RHAG: variants seen among roughly 807,000 people sequenced by gnomAD.
RHAG encodes Rh associated glycoprotein, also known as ammonium transporter Rh type A.
Under a neutral mutation model 42.4 loss-of-function variants are expected in RHAG, and 25 were observed. The observed-to-expected ratio is 0.59, with a 90% confidence interval of 0.43 to 0.82. The LOEUF is 0.82. Among genes scored for constraint, RHAG ranks in the 40% least tolerant of loss-of-function variants. RHAG has a pLI of 0.00. For missense variants in RHAG, 483 were observed against 504.6 expected, an observed-to-expected ratio of 0.96 and a Z score of 0.41; for synonymous variants, 182 against 177.7, an observed-to-expected ratio of 1.02 and a Z score of -0.19.
intron 1 of RHAG, among the ~76,000 whole-genome samples, chr6:49,631,489 A>G (rs1163635067): frequency 1.3e-5 from 2 of 151,842 alleles, no homozygotes; most frequent in South Asian, 4.2e-4. Context: ...TTGAATTTCT[A>G]TTACCATTAT....
chr6:49,613,910 A>G (rs1164966737), intron 5 of RHAG, among the ~76,000 whole-genome samples: 1 of 152,190 alleles, frequency 6.6e-6, no homozygotes, highest in Non-Finnish European at 1.5e-5. Flanking sequence ...TTTTTCTAGT[A>G]TCCTATTGAA....
chr6:49,609,349 T>C (rs1266324770), intron 7 of RHAG, among the ~76,000 whole-genome samples: 6 of 152,146 alleles, frequency 3.9e-5, no homozygotes, highest in East Asian at 1.9e-4. Context: ...GACCTCCCAG[T>C]GAGGCCTCCC....
chr6:49,615,540 G>T, intron 4 of RHAG, 84 bp downstream of exon 4: 37 of 1,441,658 alleles, frequency 2.6e-5, no homozygotes, highest in Middle Eastern at 1.8e-4. Flanking sequence ...TGTTCTTTTT[G>T]AGCATCTCAC....
intron 5 of RHAG, among the ~76,000 whole-genome samples, chr6:49,613,515 G>T (rs926003763): frequency 6.6e-6 from 1 of 152,096 alleles, no homozygotes; most frequent in African/African-American, 2.4e-5. Flanking sequence ...GACCTCTCAT[G>T]AGACAATTTG....
At chr6:49,634,331 T>G (rs1762975702) in intron 1 of RHAG, among the ~76,000 whole-genome samples, 1 of 152,050 alleles carries the variant, frequency 6.6e-6, no homozygotes, top group African/African-American at 2.4e-5. Flanking sequence ...ACTCTCTACC[T>G]CCATGCAGAG....
intron 3 of RHAG, among the ~76,000 whole-genome samples, chr6:49,616,930 T>C (rs1762666773): frequency 6.6e-6 from 1 of 152,196 alleles, no homozygotes; most frequent in Non-Finnish European, 1.5e-5. Context: ...ATGCTTGGAC[T>C]TTCCAAATAC....
chr6:49,634,968 GTGTGTGTGTGTT>G (rs1160556145), intron 1 of RHAG, among the ~76,000 whole-genome samples: 2 of 89,778 alleles, frequency 2.2e-5, no homozygotes, highest in Non-Finnish European at 4.5e-5. Context: ...GTGTGTGTGT[GTGTGTGTGTGTT>G]TGTGTATACC....
chr6:49,615,241 C>T (rs189764506), intron 4 of RHAG: 68 of 278,868 alleles, frequency 2.4e-4, no homozygotes, highest in Middle Eastern at 1.3e-3. Context: ...TGAGCCACCA[C>T]GCCCAGCCTG....
intron 1 of RHAG, among the ~76,000 whole-genome samples, chr6:49,621,562 G>A (rs568215874): frequency 4.6e-5 from 7 of 152,148 alleles, no homozygotes; most frequent in South Asian, 2.1e-4. Flanking sequence ...TACCTGACTC[G>A]CTGATGGGCA....
intron 1 of RHAG, among the ~76,000 whole-genome samples, chr6:49,629,510 C>T (rs1762899476): frequency 6.6e-6 from 1 of 152,216 alleles, no homozygotes; most frequent in South Asian, 2.1e-4. Context: ...ACCAGGCATG[C>T]AGGTGGAGCT....
rs770557012 is a variant in RHAG at position 49,609,043 on chromosome 6, TTTGC to T, written c.1068-1827_1068-1824del. ...CATTACTAGAGTTATGCTGCTATAA[TTTGC>T]AAAAACATCCCTTAAGAATATTAAC... On this transcript the variant is annotated intron_variant, in intron 7 of 9. Coordinates refer to ENST00000371175, the MANE Select transcript of RHAG (RefSeq NM_000324.3). Among the ~76,000 whole-genome samples, 1,132 of 152,318 alleles carry T rather than the reference TTTGC, an allele frequency of 7.4e-3. 17 individuals are homozygous for T. Among genetic ancestry groups the T allele is most frequent in the African/African-American group, 0.026 (1,072 of 41,582 alleles).
At chr6:49,610,065 G>A (rs1373911658) in intron 7 of RHAG, among the ~76,000 whole-genome samples, 1 of 151,770 alleles carries the variant, frequency 6.6e-6, no homozygotes, top group Non-Finnish European at 1.5e-5. Flanking sequence ...AGCCGGACCT[G>A]ATGGGGGGTG....
At chr6:49,635,491 G>T (rs1562022161) in intron 1 of RHAG, among the ~76,000 whole-genome samples, 1 of 152,050 alleles carries the variant, frequency 6.6e-6, no homozygotes, top group Non-Finnish European at 1.5e-5. Context: ...ATGAATGAAT[G>T]AAATGTACAA....
At chr6:49,616,161 T>G (rs1034755679) in intron 3 of RHAG, among the ~76,000 whole-genome samples, 2 of 152,084 alleles carry the variant, frequency 1.3e-5, no homozygotes, top group Non-Finnish European at 2.9e-5. Flanking sequence ...CAAGGTTGCT[T>G]CTCTAGGTGA....
chr6:49,606,733 C>A, intron 9 of RHAG, 115 bp downstream of exon 9: 1 of 780,136 alleles, frequency 1.3e-6, no homozygotes, highest in Non-Finnish European at 2.3e-6. Context: ...ACCTACCATG[C>A]CAGGCTAACT....
intron 4 of RHAG, chr6:49,615,140 C>T (rs915397502): frequency 4.1e-5 from 14 of 345,248 alleles, no homozygotes; most frequent in East Asian, 1.4e-4. Flanking sequence ...TTAGTAGAGA[C>T]GGGGTTTCAG....
intron 3 of RHAG, among the ~76,000 whole-genome samples, chr6:49,616,616 G>A (rs923815620): frequency 6.6e-6 from 1 of 152,056 alleles, no homozygotes; most frequent in Admixed American, 6.5e-5. Context: ...CTTTCCTCTA[G>A]AGGGAATACT....
In RHAG at chr6:49,615,672, G is replaced by A. The variant is rs756083405; in HGVS notation, c.592C>T (p.His198Tyr). 1.2e-6 allele frequency: 2 copies of A among 1,613,928 alleles called. No individual in the cohort carries two copies. Among genetic ancestry groups the A allele is most frequent in the Non-Finnish European group, 1.7e-6 (2 of 1,179,992 alleles). The change falls in exon 4 of 10, where the codon CAT becomes TAT. Residue 198 changes from histidine (H) to tyrosine (Y), a missense_variant. Transcript: ENST00000371175. ...ILYRSGLRKG[H>Y]ENEESAYYSD... ...TAGTATGCGGACTCTTCATTTTCAT[G>A]CCCCTTTCTCAGTCCAGATCGATAC...
chr6:49,611,869 G>A (rs1762574885), intron 6 of RHAG, among the ~76,000 whole-genome samples: 2 of 151,486 alleles, frequency 1.3e-5, no homozygotes, highest in Non-Finnish European at 1.5e-5. Context: ...AGCCTCCCCA[G>A]TAGCTAGGAT....
Sources: allele counts gnomAD v4.1 joint callset (sites outside exome capture counted in the v4.1 genomes callset), GRCh38; gene constraint gnomAD v4.1.1; transcripts MANE v1.5; gene names NCBI Gene and HGNC (gene_info 2026-07-23, HGNC 2026-07-21).